The following ZBTB46 variants were observed in gnomAD, a reference collection of about 807,000 sequenced individuals.
ZBTB46 encodes zinc finger and BTB domain containing 46.
ZBTB46 carries 8 observed loss-of-function variants against 44.1 expected under a neutral mutation model. The observed-to-expected ratio is 0.18, with a 90% CI of 0.11 to 0.33. The LOEUF is 0.33. Among genes scored for constraint, ZBTB46 ranks in the 10% least tolerant of loss-of-function variants. The probability of loss-of-function intolerance (pLI) is 1.00; values close to 1 mark genes in which losing one functional copy is unlikely to be tolerated. For synonymous variants in ZBTB46, 409 were observed against 382.3 expected, an observed-to-expected ratio of 1.07 and a Z score of -0.81; for missense variants, 651 against 847.7, an observed-to-expected ratio of 0.77 and a Z score of 2.88.
rs755467007 is a variant in ZBTB46 at position 63,745,950 on chromosome 20, A to G, written c.*980T>C. On this transcript the variant is annotated 3_prime_UTR_variant, in exon 5 of 5. Coordinates refer to ENST00000245663, the MANE Select transcript of ZBTB46 (RefSeq NM_001369741.1). The stretch of plus-strand genomic sequence containing the variant: ...AATGCCAAACAAAATAATTTTATGT[A>G]ACTACCTCGATATGTCTCTGACTAC... 6.5e-6 allele frequency: 1 copy of G among 152,688 alleles called. No homozygotes were observed. Among genetic ancestry groups the G allele is most frequent in the Non-Finnish European group, 1.5e-5 (1 of 68,052 alleles). The allele number at this position is 152,688 out of a possible 1,614,324, so 9.5% of individuals were successfully genotyped here. A position where few individuals can be genotyped will look rare whatever the true frequency, so the allele number is the denominator to read the frequency against.
chr20:63,775,922 G>A lies in ZBTB46; in HGVS notation c.978C>T (p.Ser326=). The part of the protein sequence containing the change: ...LSVTEASSSD[S]RGERAELYAQ... ...CATAGAGCTCGGCCCTCTCTCCTCG[G>A]CTGTCGGAGCTGCTGGCTTCGGTGA... is the stretch of plus-strand genomic sequence containing the variant. The change falls in exon 3 of 5, where the codon AGC becomes AGT. Residue 326 remains serine, a synonymous_variant. Transcript: ENST00000245663. The A allele has an allele frequency of 1.3e-6, 2 of 1,591,482 alleles. No individual in the cohort carries two copies.
At chr20:63,809,513 T>G (rs565334389) in intron 1 of ZBTB46, among the ~76,000 whole-genome samples, 211 of 152,286 alleles carry the variant, frequency 1.4e-3, no homozygotes, top group African/African-American at 4.9e-3. Flanking sequence ...TGGAGAGGAC[T>G]CCGGGAGACA....
At chr20:63,786,104 T>C (rs2092512364) in intron 2 of ZBTB46, among the ~76,000 whole-genome samples, 1 of 152,206 alleles carries the variant, frequency 6.6e-6, no homozygotes, top group Non-Finnish European at 1.5e-5. Context: ...GGGGCCTCGC[T>C]GTGCTGACAA....
intron 1 of ZBTB46, among the ~76,000 whole-genome samples, chr20:63,806,704 G>A (rs1322097976): frequency 1.3e-5 from 2 of 152,004 alleles, no homozygotes; most frequent in African/African-American, 4.8e-5. Context: ...CACCTCCCAC[G>A]TTCAAGCGAT....
In ZBTB46 at chr20:63,746,033, C is replaced by G. The variant is rs977418832; in HGVS notation, c.*897G>C. ...AAGCAGCACACTGCAGTTAGGAACA[C>G]CGCCTCCAGTGTTAGCAGCAAAGGC... On this transcript the variant is annotated 3_prime_UTR_variant, in exon 5 of 5. Coordinates refer to ENST00000245663, the MANE Select transcript of ZBTB46 (RefSeq NM_001369741.1). 6.5e-6 allele frequency: 1 copy of G among 152,732 alleles called. No homozygotes were observed. The highest frequency in any genetic ancestry group is 1.5e-5 in the Non-Finnish European group (1 of 68,056). The allele number at this position is 152,732 out of a possible 1,614,324, so 9.5% of individuals were successfully genotyped here.
intron 3 of ZBTB46, among the ~76,000 whole-genome samples, chr20:63,764,748 G>A (rs2092304664): frequency 6.6e-6 from 1 of 151,056 alleles, no homozygotes. Flanking sequence ...GATTACAGGT[G>A]TGTGCCACCA....
At chr20:63,792,660 C>A (rs2092570865) in intron 1 of ZBTB46, among the ~76,000 whole-genome samples, 1 of 152,120 alleles carries the variant, frequency 6.6e-6, no homozygotes, top group Non-Finnish European at 1.5e-5. Flanking sequence ...GGACTACAGA[C>A]ACCCGCCACC....
chr20:63,778,804 T>C (rs1178690238), intron 2 of ZBTB46, among the ~76,000 whole-genome samples: 1 of 152,268 alleles, frequency 6.6e-6, no homozygotes, highest in African/African-American at 2.4e-5. Flanking sequence ...AGGAACTAAA[T>C]ATACAGGTTA....
At chr20:63,784,622 G>T (rs1464137195) in intron 2 of ZBTB46, among the ~76,000 whole-genome samples, 1 of 152,256 alleles carries the variant, frequency 6.6e-6, no homozygotes, top group Admixed American at 6.5e-5. Flanking sequence ...TCCCTCCGCA[G>T]ATGAGAAGGA....
Position 63,803,583 on chromosome 20 carries a change from C to T in ZBTB46, c.-33-12793G>A. On this transcript the variant is annotated intron_variant, in intron 1 of 4. Transcript: ENST00000245663. This position sits in a 1 kb window ranked among gnomAD's most constrained non-coding sequence, Gnocchi z 4.0. Reference sequence around the variant, plus strand: ...TGCCCAGGCCCCGGGCTGCCCAGGTCTCTGTCGGAGGCCCTGCCAGCCCCG... The same window carrying T: ...TGCCCAGGCCCCGGGCTGCCCAGGTTTCTGTCGGAGGCCCTGCCAGCCCCG... 1.0e-6 allele frequency: 1 copy of T among 964,214 alleles called. No individual in the cohort carries two copies. The highest frequency in any genetic ancestry group is 4.8e-5 in the South Asian group (1 of 20,904). The allele number at this position is 964,214 out of a possible 1,614,324, so 59.7% of individuals were successfully genotyped here.
intron 3 of ZBTB46, chr20:63,769,245 C>G (rs2145833784): frequency 1.0e-6 from 1 of 985,384 alleles, no homozygotes; most frequent in East Asian, 1.1e-4. Context: ...ACCCTGGTGT[C>G]TTACCTGAGC....
chr20:63,832,447 G>A (rs941915401), upstream of ZBTB46, among the ~76,000 whole-genome samples: 29 of 152,194 alleles, frequency 1.9e-4, no homozygotes, highest in African/African-American at 6.8e-4. This position sits in a 1 kb window ranked among gnomAD's most constrained non-coding sequence, Gnocchi z 5.0. Context: ...CCAGCGCAGC[G>A]GATTCCTCGG....
chr20:63,818,392 G>C (rs1225754684), intron 1 of ZBTB46, among the ~76,000 whole-genome samples: 1 of 152,200 alleles, frequency 6.6e-6, no homozygotes, highest in African/African-American at 2.4e-5. Flanking sequence ...TCTTCGTGAG[G>C]AGGAGAGCAG....
intron 1 of ZBTB46, among the ~76,000 whole-genome samples, chr20:63,821,749 AGGCTCACTTTTAATAAGGTG>A (rs1210394519): frequency 6.6e-6 from 1 of 152,176 alleles, no homozygotes; most frequent in Non-Finnish European, 1.5e-5. Context: ...TGTCTGGTCC[AGGCTCACTTTTAATAAGGTG>A]ATGCTAAACA....
Position 63,806,407 on chromosome 20 carries a change from CA to C in ZBTB46, c.-33-15618del, listed in dbSNP as rs58233169. On this transcript the variant is annotated intron_variant, in intron 1 of 4. Transcript: ENST00000245663. ...AGGCAACAACAGTGAAACTCCATCT[CA>C]AAAAAAAAAAAAAAAGAAAGAAAAG... Among the ~76,000 whole-genome samples the C allele has an allele frequency of 2.7e-3, 246 of 91,424 alleles. 1 individual carries two copies. The highest frequency in any genetic ancestry group is 2.9e-3 in the Admixed American group (24 of 8,324). The allele number at this position is 91,424 out of a possible 152,430, so 60.0% of individuals were successfully genotyped here. A position where few individuals can be genotyped will look rare whatever the true frequency, so the allele number is the denominator to read the frequency against.
intron 1 of ZBTB46, among the ~76,000 whole-genome samples, chr20:63,817,958 AGGC>A (rs2092769524): frequency 1.3e-5 from 2 of 152,122 alleles, no homozygotes; most frequent in African/African-American, 4.8e-5. Flanking sequence ...TGACAGAATA[AGGC>A]TCTACCGTTT....
rs1357984551 is a variant in ZBTB46, at chr20:63,752,160, G to A, written c.1398+526C>T. Among the ~76,000 whole-genome samples the A allele has an allele frequency of 3.9e-5, 6 of 152,288 alleles. No homozygotes were observed. Among genetic ancestry groups the A allele is most frequent in the African/African-American group, 1.4e-4 (6 of 41,544 alleles). ...CTGGTTGATCTCACCCACTTGAGAT[G>A]CCCTCGCCAGGCCTTTTTTGGCAAA... On this transcript the variant is annotated intron_variant, in intron 4 of 4. Transcript: ENST00000245663. The surrounding 1 kb of genome is among the most constrained non-coding windows in gnomAD (Gnocchi z 5.6).
chr20:63,776,660 C>T (rs1413289662), intron 2 of ZBTB46, among the ~76,000 whole-genome samples: 5 of 152,050 alleles, frequency 3.3e-5, no homozygotes, highest in South Asian at 2.1e-4. Flanking sequence ...AAAAATTAGC[C>T]GGGCGTGGTG....
intron 2 of ZBTB46, among the ~76,000 whole-genome samples, 161 bp from the exon 3 acceptor site, chr20:63,776,123 G>C (rs537646035): frequency 2.0e-3 from 302 of 152,358 alleles, no homozygotes; most frequent in South Asian, 4.1e-3. Flanking sequence ...CCCCAGCAAT[G>C]CAGCAGCCTC....
Sources: allele counts gnomAD v4.1 joint callset (sites outside exome capture counted in the v4.1 genomes callset), GRCh38; gene constraint gnomAD v4.1.1; non-coding constraint Gnocchi (gnomAD v3.1); transcripts MANE v1.5; gene names NCBI Gene and HGNC (gene_info 2026-07-23, HGNC 2026-07-21).